The following GARRE1 variants were observed in gnomAD, a reference collection of about 807,000 sequenced individuals.
GARRE1 encodes the protein granule associated Rac and RHOG effector 1.
Under a neutral mutation model 103.2 loss-of-function variants are expected in GARRE1, and 49 were observed. The observed-to-expected ratio is 0.47, with a 90% CI of 0.38 to 0.60. GARRE1 has a LOEUF of 0.60. GARRE1 is among the 20% of genes least tolerant of loss of function. The pLI, the probability that GARRE1 is intolerant of heterozygous loss-of-function variation, is 0.00. For missense variants in GARRE1, 1,199 were observed against 1,370.5 expected (o/e 0.87, Z 1.98); for synonymous variants, 505 against 532.8 (o/e 0.95, Z 0.72).
In GARRE1 at chr19:34,341,646, C is replaced by G; in HGVS notation, c.1712C>G (p.Ala571Gly). Reference sequence around the variant, plus strand: ...ACCCCTTCCAAAAACATCTTCATAGCTGGATGTTCCGAAGAGAAGGCCAAA... The same window carrying G: ...ACCCCTTCCAAAAACATCTTCATAGGTGGATGTTCCGAAGAGAAGGCCAAA... ...QNTPSKNIFI[A>G]GCSEEKAKMP... Residue 571 changes from alanine to glycine, a missense_variant, in exon 10 of 14, where the codon GCT becomes GGT. By Grantham distance (60) the Ala-to-Gly change is moderately conservative. Transcript: ENST00000299505. 1 of 1,614,160 alleles carries G rather than the reference C, an allele frequency of 6.2e-7. No individual in the cohort carries two copies. Among genetic ancestry groups the G allele is most frequent in the African/African-American group, 1.3e-5 (1 of 75,036 alleles).
intron 2 of GARRE1, 86 bp downstream of exon 2, chr19:34,301,054 A>T: frequency 7.4e-7 from 1 of 1,360,370 alleles, no homozygotes. Context: ...TTTCCAAATC[A>T]CTGTAATAGT....
intron 1 of GARRE1, among the ~76,000 whole-genome samples, chr19:34,275,125 G>A (rs1186167211): frequency 6.7e-6 from 1 of 150,290 alleles, no homozygotes; most frequent in African/African-American, 2.4e-5. Context: ...TAGATATTTG[G>A]ATTTGCATTT....
In GARRE1 at chr19:34,340,016, G is replaced by A. The variant is rs1279916917; in HGVS notation, c.1487+24G>A. 2.5e-6 allele frequency: 4 copies of A among 1,612,748 alleles called. No individual in the cohort carries two copies. The Admixed American group carries it at 6.7e-5, about 27-fold the overall frequency. ...AGGTTGGTGTCTGTGGTTTGCATTA[G>A]ATGCATACCGAGGGACAGTGTGACT... On this transcript the variant is annotated intron_variant, in intron 9 of 13. Coordinates refer to ENST00000299505, the MANE Select transcript of GARRE1 (RefSeq NM_014686.5).
At chr19:34,288,005 C>A (rs532004044) in intron 1 of GARRE1, among the ~76,000 whole-genome samples, 1 of 152,102 alleles carries the variant, frequency 6.6e-6, no homozygotes, top group South Asian at 2.1e-4. Context: ...CACACCCTGA[C>A]AACATAGGTG....
In GARRE1 at chr19:34,327,008, A is replaced by G. The variant is rs142127941; in HGVS notation, c.706-413A>G. Among the ~76,000 whole-genome samples the G allele has an allele frequency of 3.8e-3, 577 of 151,894 alleles. 2 individuals are homozygous for G. Among genetic ancestry groups the G allele is most frequent in the African/African-American group, 0.013 (548 of 41,434 alleles). On this transcript the variant is annotated intron_variant, in intron 3 of 13. Coordinates refer to ENST00000299505, the MANE Select transcript of GARRE1 (RefSeq NM_014686.5). ...TGTCTCTACTAAAAATACAAAACTC[A>G]ACCAGGCGCAGTGGTGGGTGCCTGT...
chr19:34,339,791 C>A, intron 8 of GARRE1, 76 bp from the exon 9 acceptor site: 1 of 1,587,442 alleles, frequency 6.3e-7, no homozygotes, highest in Non-Finnish European at 8.6e-7. Context: ...AAGTTGTAGC[C>A]TTTTCTATGA....
rs2073974799 is a variant in GARRE1, at chr19:34,300,818, A to G, written c.345A>G (p.Thr115=). The change falls in exon 2 of 14, where the codon ACA becomes ACG. Residue 115 remains threonine, a synonymous_variant. Transcript: ENST00000299505. ...FRNSHYSKAA[T]QLKDVQEHVM... ...ACTCTCACTACTCAAAGGCAGCCACACAGCTCAAAGATGTGCAGGAGCATG... is the reference window on the plus strand; with the variant it reads ...ACTCTCACTACTCAAAGGCAGCCACGCAGCTCAAAGATGTGCAGGAGCATG... 1.2e-6 allele frequency: 2 copies of G among 1,614,098 alleles called. No homozygotes were observed. The highest frequency in any genetic ancestry group is 1.7e-6 in the Non-Finnish European group (2 of 1,180,050).
At chr19:34,283,203 A>G (rs2073865470) in intron 1 of GARRE1, among the ~76,000 whole-genome samples, 1 of 152,222 alleles carries the variant, frequency 6.6e-6, no homozygotes, top group Non-Finnish European at 1.5e-5. Context: ...TTCACAAATC[A>G]TAGCTATCAA....
chr19:34,285,613 A>T (rs2073881232), intron 1 of GARRE1, among the ~76,000 whole-genome samples: 1 of 152,044 alleles, frequency 6.6e-6, no homozygotes, highest in Non-Finnish European at 1.5e-5. Context: ...ACAGAGTGAG[A>T]CTTCATCTCA....
chr19:34,279,415 C>A (rs959413535), intron 1 of GARRE1, among the ~76,000 whole-genome samples: 7 of 152,014 alleles, frequency 4.6e-5, no homozygotes, highest in African/African-American at 4.8e-5. Context: ...AGGTGATCCT[C>A]CCACCTCAGC....
At chr19:34,298,912 A>G (rs2073962233) in intron 1 of GARRE1, among the ~76,000 whole-genome samples, 1 of 152,156 alleles carries the variant, frequency 6.6e-6, no homozygotes, top group Admixed American at 6.5e-5. Context: ...GAACCTATCC[A>G]GAGTCAGGGG....
chr19:34,353,053 T>G lies in GARRE1; in HGVS notation c.*98T>G. On this transcript the variant is annotated 3_prime_UTR_variant, in exon 14 of 14. Coordinates refer to ENST00000299505, the MANE Select transcript of GARRE1 (RefSeq NM_014686.5). Reference sequence around the variant, plus strand: ...GGGCCACTTAGCTGACACCAGCCCCTCAGAGGACCAGTGCGCCCCATCCCA... The same window carrying G: ...GGGCCACTTAGCTGACACCAGCCCCGCAGAGGACCAGTGCGCCCCATCCCA... 8.5e-7 allele frequency: 1 copy of G among 1,170,942 alleles called. No individual in the cohort carries two copies. Among genetic ancestry groups the G allele is most frequent in the Non-Finnish European group, 1.2e-6 (1 of 849,296 alleles). 72.5% of individuals were successfully genotyped at this position (1,170,942 alleles called of 1,614,324 possible).
chr19:34,288,252 G>A (rs762291876), intron 1 of GARRE1, among the ~76,000 whole-genome samples: 2 of 152,276 alleles, frequency 1.3e-5, no homozygotes, highest in African/African-American at 2.4e-5. Context: ...TTCACCTGAG[G>A]CTGCAGTTCC....
chr19:34,286,178 C>G (rs972848082), intron 1 of GARRE1, among the ~76,000 whole-genome samples: 3 of 151,904 alleles, frequency 2.0e-5, no homozygotes, highest in Non-Finnish European at 4.4e-5. Flanking sequence ...CAAAACAAAA[C>G]AAAAAAACTT....
At chr19:34,286,470 TG>T (rs2073887225) in intron 1 of GARRE1, among the ~76,000 whole-genome samples, 1 of 149,866 alleles carries the variant, frequency 6.7e-6, no homozygotes, top group South Asian at 2.1e-4. Flanking sequence ...CTGTCCACTT[TG>T]GCCTCCCAAA....
At position 34,328,004 on chromosome 19, in the gene GARRE1, G is replaced by T. The variant is rs760996389; in HGVS notation, c.957G>T (p.Glu319Asp). 23 of 1,614,172 alleles carry T rather than the reference G, an allele frequency of 1.4e-5. 1 individual carries two copies. The highest frequency in any genetic ancestry group is 1.6e-5 in the Non-Finnish European group (19 of 1,180,038). Residue 319 changes from glutamate to aspartate, a missense_variant, in exon 6 of 14, where the codon GAG becomes GAT. By Grantham distance (45) the Glu-to-Asp change is conservative. Coordinates refer to ENST00000299505, the MANE Select transcript of GARRE1 (RefSeq NM_014686.5). Reference sequence around the variant, plus strand: ...GCCTTTTCCAGGGCTGCTGCAGCGAGGCGGAAGCCCAGCAGACGGGGCGGA... The same window carrying T: ...GCCTTTTCCAGGGCTGCTGCAGCGATGCGGAAGCCCAGCAGACGGGGCGGA... ...IEASLQGCCS[E>D]AEAQQTGRRQ...
intron 8 of GARRE1, among the ~76,000 whole-genome samples, chr19:34,338,582 G>A (rs1490695477): frequency 2.0e-5 from 3 of 152,090 alleles, no homozygotes; most frequent in African/African-American, 7.2e-5. Context: ...CTGAATGGAC[G>A]GTGGAGACCC....
At position 34,293,758 on chromosome 19, in the gene GARRE1, T is replaced by TC. The variant is rs900145701; in HGVS notation, c.-795-5921_-795-5920insC. Reference sequence around the variant, plus strand: ...CACACACACACATATTTCTTTTTTTTTTTTTTTTTTTTTTTTTTGAGACGG... The same window carrying TC: ...CACACACACACATATTTCTTTTTTTTCTTTTTTTTTTTTTTTTTTGAGACGG... On this transcript the variant is annotated intron_variant, in intron 1 of 13. Transcript: ENST00000299505. 1.0e-4 allele frequency among the ~76,000 whole-genome samples: 9 copies of TC among 86,766 alleles called. 1 individual carries two copies. Among genetic ancestry groups the TC allele is most frequent in the African/African-American group, 7.5e-4 (8 of 10,724 alleles). The allele number at this position is 86,766 out of a possible 152,430, so 56.9% of individuals were successfully genotyped here.
intron 1 of GARRE1, among the ~76,000 whole-genome samples, chr19:34,263,627 G>A (rs62122208): frequency 0.14 from 20,554 of 151,752 alleles, 1,887 homozygotes; most frequent in Non-Finnish European, 0.2. Context: ...ACAGGTGCCC[G>A]CCACTACGTC....
Sources: gnomAD v4.1 joint callset for allele counts (sites outside exome capture counted in the v4.1 genomes callset) on GRCh38, gnomAD v4.1.1 for gene constraint, MANE v1.5 for transcripts, NCBI Gene and HGNC (gene_info 2026-07-23, HGNC 2026-07-21) for gene names.